The following LINGO2 variants were observed in gnomAD, a reference collection of about 807,000 sequenced individuals.
LINGO2 encodes the protein leucine rich repeat and Ig domain containing 2.
LINGO2 carries 14 observed loss-of-function variants against 30.6 expected under a neutral mutation model. The observed-to-expected ratio is 0.46, with a 90% confidence interval of 0.30 to 0.72. The LOEUF is 0.72. Ranked by LOEUF, LINGO2 falls within the 30% of genes least tolerant of loss-of-function variation. The probability of loss-of-function intolerance (pLI) is 0.07; values close to 1 mark genes in which losing one functional copy is unlikely to be tolerated. For synonymous variants in LINGO2, 317 were observed against 288.5 expected (o/e 1.10, Z -1.00); for missense variants, 729 against 751.7 (o/e 0.97, Z 0.35).
At chr9:28,903,097 T>C in the LINGO2 span, among the ~76,000 whole-genome samples, 4 of 151,538 alleles carry the variant, frequency 2.6e-5, no homozygotes, top group Non-Finnish European at 4.4e-5. Context: ...AGCTTTTTTT[T>C]TGAGAAAGAA....
At chr9:28,975,948 T>A in the LINGO2 span, among the ~76,000 whole-genome samples, 1 of 152,224 alleles carries the variant, frequency 6.6e-6, no homozygotes. Flanking sequence ...GTATCAATTA[T>A]GCAACATCTT....
the LINGO2 span, among the ~76,000 whole-genome samples, chr9:29,025,373 G>A: frequency 6.6e-6 from 1 of 151,924 alleles, no homozygotes; most frequent in Non-Finnish European, 1.5e-5. Flanking sequence ...GAGAACTTAT[G>A]TTTATAATGT....
chr9:28,720,430 T>C, the LINGO2 span, among the ~76,000 whole-genome samples: 3 of 152,080 alleles, frequency 2.0e-5, no homozygotes, highest in African/African-American at 7.2e-5. Flanking sequence ...ATTACAATCA[T>C]CTGTTTACTG....
At chr9:28,948,959 A>G in the LINGO2 span, among the ~76,000 whole-genome samples, 1 of 151,960 alleles carries the variant, frequency 6.6e-6, no homozygotes, top group East Asian at 1.9e-4. Context: ...TGGGCCCATT[A>G]AATAATATTG....
the LINGO2 span, among the ~76,000 whole-genome samples, chr9:28,806,401 T>G: frequency 3.3e-5 from 5 of 152,316 alleles, no homozygotes; most frequent in African/African-American, 9.6e-5. Context: ...TTCCTAATAT[T>G]ATATTAATAA....
chr9:29,100,833 T>C, the LINGO2 span, among the ~76,000 whole-genome samples: 5 of 152,216 alleles, frequency 3.3e-5, no homozygotes, highest in South Asian at 1.0e-3. Flanking sequence ...ATGTAACCCA[T>C]AAATCTAACT....
the LINGO2 span, among the ~76,000 whole-genome samples, chr9:29,108,598 T>A: frequency 3.6e-4 from 55 of 152,340 alleles, no homozygotes; most frequent in African/African-American, 1.2e-3. Context: ...AATTATACAT[T>A]ACTTTGGTAA....
intron 1 of LINGO2, among the ~76,000 whole-genome samples, chr9:28,564,279 G>A (rs1823252872): frequency 6.6e-6 from 1 of 152,016 alleles, no homozygotes; most frequent in Non-Finnish European, 1.5e-5. Flanking sequence ...ATCATTATAG[G>A]TAGTCTCCTA....
intron 3 of LINGO2, among the ~76,000 whole-genome samples, chr9:28,309,939 A>T (rs1419175136): frequency 6.6e-6 from 1 of 152,150 alleles, no homozygotes; most frequent in Non-Finnish European, 1.5e-5. Flanking sequence ...CCAGCAAATA[A>T]AAAACACCCC....
chr9:29,025,420 C>T, the LINGO2 span, among the ~76,000 whole-genome samples: 1 of 151,832 alleles, frequency 6.6e-6, no homozygotes, highest in Non-Finnish European at 1.5e-5. Context: ...TACAAAAAGT[C>T]ACGATTGATG....
At chr9:29,006,544 T>C in the LINGO2 span, among the ~76,000 whole-genome samples, 1 of 152,028 alleles carries the variant, frequency 6.6e-6, no homozygotes, top group South Asian at 2.1e-4. Context: ...AAATCATTAA[T>C]AAAAGGGGAA....
intron 5 of LINGO2, among the ~76,000 whole-genome samples, chr9:27,979,766 GACTTCTTATTACTAGAAATGGAAA>G (rs1820768424): frequency 6.6e-6 from 1 of 151,950 alleles, no homozygotes; most frequent in Non-Finnish European, 1.5e-5. Context: ...TAAAAGGAAA[GACTTCTTATTACTAGAAATGGAAA>G]ACCACTATTA....
intron 3 of LINGO2, among the ~76,000 whole-genome samples, chr9:28,357,002 A>G (rs1279146782): frequency 6.6e-6 from 1 of 152,150 alleles, no homozygotes; most frequent in Non-Finnish European, 1.5e-5. Context: ...TTAAATATAC[A>G]TATCTAGGCT....
the LINGO2 span, among the ~76,000 whole-genome samples, chr9:28,761,336 T>G: frequency 6.6e-6 from 1 of 151,932 alleles, no homozygotes; most frequent in African/African-American, 2.4e-5. Flanking sequence ...TTTTGTCAGT[T>G]AGCTGAATAA....
At chr9:28,342,410 C>T (rs569990703) in intron 3 of LINGO2, among the ~76,000 whole-genome samples, 3 of 152,196 alleles carry the variant, frequency 2.0e-5, no homozygotes, top group East Asian at 3.9e-4. Context: ...TATGTCCACC[C>T]GCAATTATGG....
At chr9:28,464,553 T>C (rs1251331896) in intron 2 of LINGO2, among the ~76,000 whole-genome samples, 1 of 152,176 alleles carries the variant, frequency 6.6e-6, no homozygotes, top group Non-Finnish European at 1.5e-5. Context: ...GCCATGTGTT[T>C]GTGGAAGAAA....
chr9:28,473,070 C>T (rs1272723624), intron 2 of LINGO2, among the ~76,000 whole-genome samples: 7 of 152,060 alleles, frequency 4.6e-5, no homozygotes, highest in South Asian at 2.1e-4. Context: ...CTACTGACAA[C>T]GAGTTTTGCT....
At chr9:28,632,231 C>G (rs913833470) in intron 1 of LINGO2, among the ~76,000 whole-genome samples, 3 of 152,018 alleles carry the variant, frequency 2.0e-5, no homozygotes, top group Admixed American at 2.0e-4. Flanking sequence ...ATAATGAAGA[C>G]AGAATTGCAT....
At chr9:28,105,859 C>T (rs1051888704) in intron 4 of LINGO2, among the ~76,000 whole-genome samples, 5 of 152,080 alleles carry the variant, frequency 3.3e-5, no homozygotes, top group East Asian at 1.9e-4. Flanking sequence ...AACTTGATCT[C>T]GGATTTCTGG....
Sources: allele counts gnomAD v4.1 joint callset (sites outside exome capture counted in the v4.1 genomes callset), GRCh38; gene constraint gnomAD v4.1.1; transcripts MANE v1.5; gene names NCBI Gene and HGNC (gene_info 2026-07-23, HGNC 2026-07-21).